Variants in CFAP299 observed in about 807,000 individuals in gnomAD.
CFAP299 encodes cilia- and flagella-associated protein 299.
Under a neutral mutation model 27.0 loss-of-function variants are expected in CFAP299, and 21 were observed. The observed-to-expected ratio is 0.78, with a 90% CI of 0.55 to 1.12. The LOEUF (loss-of-function observed/expected upper bound fraction) is 1.12. Ranked by LOEUF, CFAP299 falls within the 50% of genes most tolerant of loss-of-function variation. CFAP299 has a pLI of 0.00. For synonymous variants in CFAP299, 104 were observed against 98.1 expected, an observed-to-expected ratio of 1.06 and a Z score of -0.36; for missense variants, 310 against 276.6, an observed-to-expected ratio of 1.12 and a Z score of -0.86.
intron 2 of CFAP299, among the ~76,000 whole-genome samples, chr4:80,550,523 G>A (rs1734449891): frequency 6.6e-6 from 1 of 151,672 alleles, no homozygotes; most frequent in African/African-American, 2.4e-5. Context: ...TATTTGGTTG[G>A]GTAATATCAT....
In CFAP299 at chr4:80,936,504, G is replaced by A. The variant is rs76430479; in HGVS notation, c.477-8306G>A. On this transcript the variant is annotated intron_variant, in intron 4 of 5. Transcript: ENST00000358105. ...GTCTTTTATGGGAACATATAGAGCT[G>A]GAGGCCATTACCCTAGCACACTAAT... is the stretch of plus-strand genomic sequence containing the variant. 3.6e-3 allele frequency among the ~76,000 whole-genome samples: 549 copies of A among 152,140 alleles called. 2 individuals carry two copies. Among genetic ancestry groups the A allele is most frequent in the African/African-American group, 0.012 (515 of 41,500 alleles).
At chr4:80,608,999 C>T (rs377738879) in intron 3 of CFAP299, among the ~76,000 whole-genome samples, 7 of 152,036 alleles carry the variant, frequency 4.6e-5, no homozygotes, top group African/African-American at 1.7e-4. Flanking sequence ...AGATTGCCTA[C>T]ATTTAACTTT....
chr4:80,774,560 T>C (rs1425353099), intron 3 of CFAP299, among the ~76,000 whole-genome samples: 2 of 151,988 alleles, frequency 1.3e-5, no homozygotes, highest in African/African-American at 4.8e-5. Flanking sequence ...AAGTGGTCAA[T>C]AAATGTGTAA....
At chr4:80,596,465 C>A (rs981205145) in intron 3 of CFAP299, among the ~76,000 whole-genome samples, 1 of 152,030 alleles carries the variant, frequency 6.6e-6, no homozygotes, top group Non-Finnish European at 1.5e-5. Context: ...TTCACATTTT[C>A]TTTTAAATAT....
At chr4:80,957,260 A>T (rs1051216332) in intron 5 of CFAP299, among the ~76,000 whole-genome samples, 3 of 152,168 alleles carry the variant, frequency 2.0e-5, no homozygotes, top group African/African-American at 7.2e-5. Context: ...GGTTTCAGGC[A>T]GTAATCTTTT....
intron 2 of CFAP299, among the ~76,000 whole-genome samples, chr4:80,496,649 A>G (rs979712199): frequency 1.3e-5 from 2 of 152,124 alleles, no homozygotes; most frequent in African/African-American, 4.8e-5. Flanking sequence ...CACATTTTCT[A>G]ATATCTTCGT....
At chr4:80,387,138 A>G in intron 2 of CFAP299, 1 of 1,408,010 alleles carries the variant, frequency 7.1e-7, no homozygotes, top group Non-Finnish European at 1.0e-6. Context: ...CGTTTGACAC[A>G]CTTGTAGACG....
At chr4:80,422,434 C>G (rs1286609659) in intron 2 of CFAP299, among the ~76,000 whole-genome samples, 12 of 151,940 alleles carry the variant, frequency 7.9e-5, no homozygotes, top group Admixed American at 7.9e-4. Context: ...CTAACTGCAT[C>G]TGCTACTACG....
intron 3 of CFAP299, among the ~76,000 whole-genome samples, chr4:80,803,377 T>C (rs984651790): frequency 2.0e-5 from 3 of 152,092 alleles, no homozygotes; most frequent in African/African-American, 7.2e-5. Context: ...TAGGATTTTG[T>C]TGAGGAAATT....
chr4:80,924,414 A>G (rs1188977044), intron 4 of CFAP299, among the ~76,000 whole-genome samples: 1 of 151,658 alleles, frequency 6.6e-6, no homozygotes, highest in Non-Finnish European at 1.5e-5. Context: ...ACCAAGTTGA[A>G]GTCAGAATTT....
intron 1 of CFAP299, among the ~76,000 whole-genome samples, chr4:80,342,652 A>G (rs910030505): frequency 2.0e-5 from 3 of 152,328 alleles, no homozygotes; most frequent in Non-Finnish European, 4.4e-5. Context: ...CCTGCTTTGC[A>G]AGAGTTCCTA....
At chr4:80,724,371 C>T (rs1219039131) in intron 3 of CFAP299, among the ~76,000 whole-genome samples, 1 of 151,988 alleles carries the variant, frequency 6.6e-6, no homozygotes, top group Non-Finnish European at 1.5e-5. Flanking sequence ...AATGTATACA[C>T]AAACTCCAAA....
intron 2 of CFAP299, among the ~76,000 whole-genome samples, chr4:80,384,086 C>G (rs1724848205): frequency 6.6e-6 from 1 of 152,110 alleles, no homozygotes; most frequent in Non-Finnish European, 1.5e-5. Flanking sequence ...TTAGATAAGA[C>G]TCATTCTTCC....
At chr4:80,855,676 G>A (rs1347309206) in intron 3 of CFAP299, among the ~76,000 whole-genome samples, 4 of 152,058 alleles carry the variant, frequency 2.6e-5, no homozygotes, top group East Asian at 1.9e-4. Context: ...TTGTTCTTGC[G>A]ATAGTTTACT....
intron 3 of CFAP299, among the ~76,000 whole-genome samples, chr4:80,776,371 G>A (rs764453503): frequency 2.0e-5 from 3 of 152,006 alleles, no homozygotes; most frequent in South Asian, 2.1e-4. Flanking sequence ...TTGGGGTCAC[G>A]AACTCCATAG....
At chr4:80,881,176 C>G (rs1222289517) in intron 4 of CFAP299, among the ~76,000 whole-genome samples, 1 of 152,182 alleles carries the variant, frequency 6.6e-6, no homozygotes, top group African/African-American at 2.4e-5. Context: ...TCTTTCTCAT[C>G]TCATACTAAA....
At chr4:80,356,686 G>T (rs1251262056) in intron 1 of CFAP299, among the ~76,000 whole-genome samples, 1 of 151,992 alleles carries the variant, frequency 6.6e-6, no homozygotes, top group Non-Finnish European at 1.5e-5. Flanking sequence ...CATTGATTCT[G>T]TATCCTGAGA....
At chr4:80,560,095 G>A in intron 2 of CFAP299, among the ~76,000 whole-genome samples, 2 of 152,002 alleles carry the variant, frequency 1.3e-5, no homozygotes, top group African/African-American at 2.4e-5. Context: ...GAGAGCAGAG[G>A]TAAGAGTGGG....
At chr4:80,446,283 C>T (rs1036711668) in intron 2 of CFAP299, among the ~76,000 whole-genome samples, 4 of 152,082 alleles carry the variant, frequency 2.6e-5, no homozygotes, top group Non-Finnish European at 5.9e-5. Flanking sequence ...ACTTTTTATT[C>T]CTGCATCAAG....
Sources: allele counts gnomAD v4.1 joint callset (sites outside exome capture counted in the v4.1 genomes callset), GRCh38; gene constraint gnomAD v4.1.1; transcripts MANE v1.5; gene names NCBI Gene and HGNC (gene_info 2026-07-23, HGNC 2026-07-21).